NAV2: variants seen among roughly 807,000 people sequenced by gnomAD.
NAV2 encodes the protein neuron navigator 2, also known as helicase, APC down-regulated 1.
A neutral mutation model predicts 223.2 loss-of-function variants in NAV2; 54 were observed. That is an observed-to-expected ratio of 0.24 (90% CI 0.19 to 0.30). The LOEUF is 0.30. Among genes scored for constraint, NAV2 ranks in the 10% least tolerant of loss-of-function variants. The probability of loss-of-function intolerance (pLI) is 1.00; values close to 1 mark genes in which losing one functional copy is unlikely to be tolerated. For missense variants in NAV2, 2,806 were observed against 3,147.5 expected (o/e 0.89, Z 2.60); for synonymous variants, 1,279 against 1,239.3 (o/e 1.03, Z -0.67).
intron 11 of NAV2, among the ~76,000 whole-genome samples, chr11:20,028,771 C>T (rs539694265): frequency 2.2e-4 from 33 of 152,046 alleles, no homozygotes; most frequent in Non-Finnish European, 2.1e-4. Context: ...TATTTGGTAA[C>T]GCTGTCAGTG....
chr11:19,859,953 G>A (rs2061618184), intron 3 of NAV2, among the ~76,000 whole-genome samples: 2 of 130,512 alleles, frequency 1.5e-5, no homozygotes, highest in Admixed American at 7.4e-5. Context: ...CCGGGCAGAG[G>A]TGCCCCTCAC....
At chr11:19,638,595 C>T (rs896400324) in intron 1 of NAV2, among the ~76,000 whole-genome samples, 3 of 152,190 alleles carry the variant, frequency 2.0e-5, no homozygotes, top group African/African-American at 7.2e-5. Context: ...TTTATTATCA[C>T]AATGACAGCA....
At chr11:20,009,473 G>A (rs1029679935) in intron 11 of NAV2, among the ~76,000 whole-genome samples, 1 of 152,168 alleles carries the variant, frequency 6.6e-6, no homozygotes, top group African/African-American at 2.4e-5. Flanking sequence ...TTTCCATGGG[G>A]TGGACATCAT....
intron 1 of NAV2, chr11:19,777,344 G>A (rs2056330128): frequency 3.1e-6 from 1 of 323,236 alleles, no homozygotes; most frequent in Non-Finnish European, 6.0e-6. Context: ...AGGGGCCGCG[G>A]CCGAGAGGAG....
chr11:19,551,857 T>C (rs977254340), intron 1 of NAV2, among the ~76,000 whole-genome samples: 1 of 152,124 alleles, frequency 6.6e-6, no homozygotes. Flanking sequence ...TTCTTTCCTC[T>C]TTACTCTGCT....
chr11:19,561,493 A>G (rs2045096431), intron 1 of NAV2, among the ~76,000 whole-genome samples: 1 of 152,032 alleles, frequency 6.6e-6, no homozygotes, highest in Non-Finnish European at 1.5e-5. Context: ...CCTTGCTTTC[A>G]TCAGCTATTT....
At chr11:20,087,526 G>T (rs1359906177) in intron 26 of NAV2, among the ~76,000 whole-genome samples, 2 of 152,168 alleles carry the variant, frequency 1.3e-5, no homozygotes, top group Non-Finnish European at 2.9e-5. Context: ...AAAAGGAATG[G>T]TAGTTGTGGT....
intron 1 of NAV2, among the ~76,000 whole-genome samples, chr11:19,783,643 C>A (rs2056903156): frequency 6.6e-6 from 1 of 152,180 alleles, no homozygotes; most frequent in Non-Finnish European, 1.5e-5. Flanking sequence ...GATAGTCAAA[C>A]CCCCCTTCCC....
intron 1 of NAV2, among the ~76,000 whole-genome samples, chr11:19,639,006 T>C (rs1253539886): frequency 6.6e-6 from 1 of 151,992 alleles, no homozygotes; most frequent in Non-Finnish European, 1.5e-5. Context: ...TAAATAATAA[T>C]AAAAATAATA....
At chr11:19,557,771 A>G (rs2044949755) in intron 1 of NAV2, among the ~76,000 whole-genome samples, 1 of 152,236 alleles carries the variant, frequency 6.6e-6, no homozygotes, top group Admixed American at 6.5e-5. Context: ...GGGTGGGATC[A>G]AGAGGTGGCT....
At chr11:19,946,543 C>G in intron 9 of NAV2, 34 bp downstream of exon 9, 2 of 1,556,000 alleles carry the variant, frequency 1.3e-6, no homozygotes, top group Non-Finnish European at 1.8e-6. Context: ...ACTGAACTAC[C>G]TGGTATCCTA....
chr11:19,818,675 C>A (rs1052054418), intron 1 of NAV2, among the ~76,000 whole-genome samples: 2 of 152,190 alleles, frequency 1.3e-5, no homozygotes, highest in Admixed American at 6.5e-5. Context: ...CCCTGGCATA[C>A]CACTGTATGT....
chr11:19,668,152 G>A (rs949260385), intron 1 of NAV2, among the ~76,000 whole-genome samples: 1 of 152,162 alleles, frequency 6.6e-6, no homozygotes, highest in African/African-American at 2.4e-5. Flanking sequence ...AGCAGGGAGG[G>A]AAATGTTACA....
At position 19,521,788 on chromosome 11, in the gene NAV2, G is replaced by A. The variant is rs113271935; in HGVS notation, c.75+170761G>A. On this transcript the variant is annotated intron_variant, in intron 1 of 37. Coordinates refer to the NAV2 transcript ENST00000360655. ...CAGAGGGAATAAGTAACGTGCCAACGGTCGCTCCAGCAGAAATGCAAACCC... is the reference window on the plus strand; with the variant it reads ...CAGAGGGAATAAGTAACGTGCCAACAGTCGCTCCAGCAGAAATGCAAACCC... Among the ~76,000 whole-genome samples, 926 of 152,286 alleles carry A rather than the reference G, an allele frequency of 6.1e-3. 7 individuals are homozygous for A. Among genetic ancestry groups the A allele is most frequent in the African/African-American group, 0.021 (879 of 41,564 alleles).
Position 19,791,842 on chromosome 11 carries a change from C to T in NAV2, c.268-40642C>T, listed in dbSNP as rs186487180. Among the ~76,000 whole-genome samples, 145 of 152,258 alleles carry T rather than the reference C, an allele frequency of 9.5e-4. 1 individual carries two copies. Among genetic ancestry groups the T allele is most frequent in the African/African-American group, 3.2e-3 (134 of 41,546 alleles). On this transcript the variant is annotated intron_variant, in intron 1 of 37. Coordinates refer to ENST00000349880, the MANE Select transcript of NAV2 (RefSeq NM_145117.5). ...ACATGGCTCTGGGCCTCATTCACTC[C>T]GCTGTAGTGTGGAGATGGTCATTCC...
Position 19,784,404 on chromosome 11 carries a change from A to AT in NAV2, c.268-48080_268-48079insT, listed in dbSNP as rs1400537151. On this transcript the variant is annotated intron_variant, in intron 1 of 37. Coordinates refer to ENST00000349880, the MANE Select transcript of NAV2 (RefSeq NM_145117.5). The stretch of plus-strand genomic sequence containing the variant: ...GCTCCATCTTAAAAAAAAAAAAAAA[A>AT]AAAAAAAAAAAAGAGGGGCTTTATT... 7.8e-4 allele frequency among the ~76,000 whole-genome samples: 117 copies of AT among 149,608 alleles called. 1 individual carries two copies. The highest frequency in any genetic ancestry group is 2.8e-3 in the African/African-American group (115 of 40,844).
intron 10 of NAV2, among the ~76,000 whole-genome samples, chr11:19,959,154 A>G (rs111821064): frequency 3.9e-4 from 59 of 151,930 alleles, no homozygotes; most frequent in African/African-American, 1.4e-3. Flanking sequence ...GTTAGCACCC[A>G]CCCTGTGCTC....
intron 1 of NAV2, among the ~76,000 whole-genome samples, chr11:19,566,409 A>G (rs1310739791): frequency 6.6e-6 from 1 of 152,208 alleles, no homozygotes. Flanking sequence ...CAGTTGTTAC[A>G]GACAAGCAAA....
chr11:19,774,379 G>A (rs2055962403), intron 1 of NAV2, among the ~76,000 whole-genome samples: 1 of 152,202 alleles, frequency 6.6e-6, no homozygotes, highest in Non-Finnish European at 1.5e-5. Context: ...GTCTCACTAT[G>A]TTGTTCAGTC....
Sources: gnomAD v4.1 joint callset for allele counts (sites outside exome capture counted in the v4.1 genomes callset) on GRCh38, gnomAD v4.1.1 for gene constraint, MANE v1.5 for transcripts, NCBI Gene and HGNC (gene_info 2026-07-23, HGNC 2026-07-21) for gene names.